Variants in ABAT observed in about 807,000 individuals in gnomAD.
ABAT encodes the protein 4-aminobutyrate aminotransferase, also known as 4-aminobutyrate aminotransferase, mitochondrial.
A neutral mutation model predicts 64.6 loss-of-function variants in ABAT; 45 were observed. The ratio of observed to expected loss-of-function variants is 0.70; its 90% CI spans 0.55 to 0.89. ABAT has a LOEUF of 0.89. ABAT is among the 40% of genes least tolerant of loss of function. ABAT has a pLI of 0.00. For synonymous variants in ABAT, 297 were observed against 250.5 expected (o/e 1.19, Z -1.75); for missense variants, 633 against 658.4 (o/e 0.96, Z 0.42).
At chr16:8,755,401 G>A (rs1282119258) in intron 5 of ABAT, among the ~76,000 whole-genome samples, 1 of 152,196 alleles carries the variant, frequency 6.6e-6, no homozygotes, top group Non-Finnish European at 1.5e-5. Context: ...ACTTCCCAGG[G>A]CTTCAAGACA....
chr16:8,777,054 A>G (rs1472191291), intron 14 of ABAT, among the ~76,000 whole-genome samples: 1 of 151,868 alleles, frequency 6.6e-6, no homozygotes, highest in Non-Finnish European at 1.5e-5. Context: ...ATGTGCCGTT[A>G]TGCCCTACTA....
At chr16:8,765,343 A>T (rs1345961343) in intron 8 of ABAT, among the ~76,000 whole-genome samples, 1 of 150,998 alleles carries the variant, frequency 6.6e-6, no homozygotes, top group Non-Finnish European at 1.5e-5. Context: ...CTCAAAAAAA[A>T]AAAAAGAAGA....
chr16:8,719,116 G>A (rs958149133), intron 1 of ABAT, among the ~76,000 whole-genome samples: 6 of 152,126 alleles, frequency 3.9e-5, no homozygotes, highest in Admixed American at 3.3e-4. Context: ...ACGGGAACAC[G>A]AGATCCCACA....
At chr16:8,762,499 A>C (rs2059826091) in intron 6 of ABAT, among the ~76,000 whole-genome samples, 1 of 152,228 alleles carries the variant, frequency 6.6e-6, no homozygotes, top group East Asian at 1.9e-4. Context: ...CACTTAAGCC[A>C]AAGCCAATTA....
Position 8,720,413 on chromosome 16 carries a change from A to T in ABAT, c.-41-15286A>T, listed in dbSNP as rs143752218. 5.3e-5 allele frequency among the ~76,000 whole-genome samples: 8 copies of T among 152,372 alleles called. No homozygotes were observed. The East Asian group carries it at 7.7e-4, about 15-fold the overall frequency. ...AATGGACATTTGCCTGTTTCCAAGA[A>T]CAGTATTTCTGTCTCCCTATACAAG... On this transcript the variant is annotated intron_variant, in intron 1 of 15. Transcript: ENST00000268251.
rs2142996879 is a variant in ABAT, at chr16:8,775,015, G to A, written c.1080G>A (p.Met360Ile). 4 of 1,614,216 alleles carry A rather than the reference G, an allele frequency of 2.5e-6. No homozygotes were observed. Among genetic ancestry groups the A allele is most frequent in the Non-Finnish European group, 3.4e-6 (4 of 1,180,040 alleles). The change falls in exon 13 of 16, where the codon ATG (methionine) becomes ATA (isoleucine). Residue 360 changes from methionine (M) to isoleucine (I), a missense_variant. Coordinates refer to ENST00000268251, the MANE Select transcript of ABAT (RefSeq NM_020686.6). The part of the protein sequence containing the change: ...ADVMTFSKKM[M>I]TGGFFHKEEF... ...TGATGACCTTCAGCAAGAAGATGATGACTGGGGGCTTCTTCCACAAGGAGG... is the reference window on the plus strand; with the variant it reads ...TGATGACCTTCAGCAAGAAGATGATAACTGGGGGCTTCTTCCACAAGGAGG...
At chr16:8,707,313 T>A (rs1630895) in intron 1 of ABAT, among the ~76,000 whole-genome samples, 102,596 of 149,558 alleles carry the variant, frequency 0.69, 36,078 homozygotes, top group East Asian at 0.85. Flanking sequence ...CAGCCTACCT[T>A]GTAGCTGGGA....
intron 1 of ABAT, among the ~76,000 whole-genome samples, chr16:8,734,616 T>C (rs1213893446): frequency 2.0e-5 from 3 of 152,150 alleles, no homozygotes; most frequent in Non-Finnish European, 4.4e-5. Context: ...GTAAAGCGTT[T>C]TGTGCAGCAT....
At chr16:8,700,308 C>T (rs1333332109) in intron 1 of ABAT, among the ~76,000 whole-genome samples, 1 of 152,176 alleles carries the variant, frequency 6.6e-6, no homozygotes, top group African/African-American at 2.4e-5. Context: ...TTCTCTTCCT[C>T]CTTTTATCTG....
chr16:8,692,315 G>C (rs1370593823), intron 1 of ABAT, among the ~76,000 whole-genome samples: 1 of 152,148 alleles, frequency 6.6e-6, no homozygotes, highest in Non-Finnish European at 1.5e-5. Context: ...AATCAAGGCT[G>C]CAGTGAGCTG....
intron 6 of ABAT, among the ~76,000 whole-genome samples, chr16:8,762,642 C>A (rs2059830399): frequency 6.6e-6 from 1 of 152,186 alleles, no homozygotes; most frequent in Admixed American, 6.5e-5. Context: ...AGAACATCAC[C>A]CCCACGTCGT....
chr16:8,743,354 C>G (rs2059222285), intron 2 of ABAT, among the ~76,000 whole-genome samples: 1 of 130,544 alleles, frequency 7.7e-6, no homozygotes, highest in South Asian at 2.4e-4. Context: ...GTGTGTGTGT[C>G]ACGGGAGATC....
At chr16:8,679,614 C>T (rs1388205995) in intron 1 of ABAT, among the ~76,000 whole-genome samples, 3 of 151,880 alleles carry the variant, frequency 2.0e-5, no homozygotes, top group African/African-American at 7.3e-5. Flanking sequence ...CCATGTGTTC[C>T]GACCCCCAGT....
At chr16:8,676,787 C>T (rs923251302) in intron 1 of ABAT, among the ~76,000 whole-genome samples, 1 of 152,206 alleles carries the variant, frequency 6.6e-6, no homozygotes, top group East Asian at 1.9e-4. Context: ...TCCAAGGTCC[C>T]CTCCCTCTTA....
chr16:8,772,742 C>T, intron 11 of ABAT, 38 bp from the exon 12 acceptor site: 1 of 1,613,878 alleles, frequency 6.2e-7, no homozygotes, highest in Non-Finnish European at 8.5e-7. Flanking sequence ...GGTCACAAGC[C>T]TCTGCCATCG....
At chr16:8,748,655 T>A (rs903934411) in intron 4 of ABAT, among the ~76,000 whole-genome samples, 3 of 114,722 alleles carry the variant, frequency 2.6e-5, no homozygotes, top group African/African-American at 1.0e-4. Context: ...ACTATTATTA[T>A]AAAATTGTTT....
At chr16:8,683,791 G>C (rs1343714022) in intron 1 of ABAT, among the ~76,000 whole-genome samples, 1 of 152,206 alleles carries the variant, frequency 6.6e-6, no homozygotes, top group Non-Finnish European at 1.5e-5. Flanking sequence ...GGTATCTATA[G>C]TATTGAACAA....
At chr16:8,735,158 A>G (rs1265180739) in intron 1 of ABAT, among the ~76,000 whole-genome samples, 1 of 149,520 alleles carries the variant, frequency 6.7e-6, no homozygotes, top group African/African-American at 2.5e-5. Flanking sequence ...TGAGCGATAG[A>G]ATGAGACTCC....
chr16:8,697,553 T>G (rs2057730362), intron 1 of ABAT, among the ~76,000 whole-genome samples: 1 of 152,120 alleles, frequency 6.6e-6, no homozygotes, highest in South Asian at 2.1e-4. Context: ...TGGGTTCAGA[T>G]CCAAGCCTTT....
Sources: allele counts gnomAD v4.1 joint callset (sites outside exome capture counted in the v4.1 genomes callset), GRCh38; gene constraint gnomAD v4.1.1; transcripts MANE v1.5; gene names NCBI Gene and HGNC (gene_info 2026-07-23, HGNC 2026-07-21).